GALNTL6: variants seen among roughly 807,000 people sequenced by gnomAD.
GALNTL6 encodes the protein polypeptide N-acetylgalactosaminyltransferase like 6, also known as polypeptide N-acetylgalactosaminyltransferase-like 6.
Under a neutral mutation model 73.7 loss-of-function variants are expected in GALNTL6, and 46 were observed. That is an observed-to-expected ratio of 0.62 (90% confidence interval 0.49 to 0.80). The LOEUF is 0.80. Ranked by LOEUF, GALNTL6 falls within the 30% of genes least tolerant of loss-of-function variation. The probability of loss-of-function intolerance (pLI) is 0.00; values close to 1 mark genes in which losing one functional copy is unlikely to be tolerated. For synonymous variants in GALNTL6, 259 were observed against 263.7 expected, an observed-to-expected ratio of 0.98 and a Z score of 0.17; for missense variants, 604 against 755.0, an observed-to-expected ratio of 0.80 and a Z score of 2.34.
chr4:172,057,393 A>T (rs1323719496), intron 2 of GALNTL6, among the ~76,000 whole-genome samples: 1 of 151,632 alleles, frequency 6.6e-6, no homozygotes, highest in Admixed American at 6.6e-5. Context: ...AGTAGCTTTT[A>T]AAAAAAAGTG....
intron 2 of GALNTL6, among the ~76,000 whole-genome samples, chr4:172,058,343 G>T (rs900458048): frequency 1.3e-5 from 2 of 152,002 alleles, no homozygotes; most frequent in Admixed American, 6.6e-5. Context: ...AATTGAGACC[G>T]AATTAAATAC....
intron 2 of GALNTL6, among the ~76,000 whole-genome samples, chr4:171,962,174 T>A (rs1739239818): frequency 6.6e-6 from 1 of 152,300 alleles, no homozygotes; most frequent in African/African-American, 2.4e-5. Context: ...TGGATCATTA[T>A]TTGTCTCTAA....
At chr4:172,025,207 C>G (rs1741527623) in intron 2 of GALNTL6, among the ~76,000 whole-genome samples, 1 of 151,992 alleles carries the variant, frequency 6.6e-6, no homozygotes, top group Non-Finnish European at 1.5e-5. Context: ...TCATAAAATG[C>G]TTTCCAGTAA....
chr4:172,738,253 G>A (rs1736584887), intron 5 of GALNTL6, among the ~76,000 whole-genome samples: 3 of 152,222 alleles, frequency 2.0e-5, no homozygotes, highest in Non-Finnish European at 4.4e-5. Flanking sequence ...GGCAGAATTA[G>A]TTGGAGGGGT....
chr4:171,912,391 A>C (rs1490043326), intron 2 of GALNTL6, among the ~76,000 whole-genome samples: 1 of 152,128 alleles, frequency 6.6e-6, no homozygotes, highest in Non-Finnish European at 1.5e-5. Context: ...ACTTGTATTC[A>C]TGTGTCATCA....
chr4:173,006,107 T>C (rs1436574895), intron 10 of GALNTL6, among the ~76,000 whole-genome samples: 2 of 152,182 alleles, frequency 1.3e-5, no homozygotes, highest in Non-Finnish European at 2.9e-5. Context: ...GGAGCAGAGC[T>C]GCTCCACATG....
intron 3 of GALNTL6, among the ~76,000 whole-genome samples, chr4:172,295,536 T>G (rs1739642082): frequency 1.6e-5 from 1 of 61,872 alleles, no homozygotes; most frequent in Non-Finnish European, 4.4e-5. Context: ...TTTAGGTTTT[T>G]TTTTTTTTTT....
chr4:172,464,403 T>A (rs115917089), intron 5 of GALNTL6, among the ~76,000 whole-genome samples: 6 of 152,032 alleles, frequency 3.9e-5, no homozygotes, highest in African/African-American at 1.5e-4. Context: ...AATTTTAATA[T>A]GGTCATAATT....
chr4:171,828,374 C>A (rs186943433), intron 2 of GALNTL6, among the ~76,000 whole-genome samples: 1 of 152,076 alleles, frequency 6.6e-6, no homozygotes, highest in Non-Finnish European at 1.5e-5. Flanking sequence ...AAAACCATAA[C>A]CTTGAATAGC....
chr4:172,152,079 C>T (rs1462881145), intron 2 of GALNTL6, among the ~76,000 whole-genome samples: 3 of 152,014 alleles, frequency 2.0e-5, no homozygotes, highest in African/African-American at 7.2e-5. Flanking sequence ...CGGGTTCAAG[C>T]GATTCTCCTG....
At chr4:172,452,969 G>A (rs940578840) in intron 5 of GALNTL6, among the ~76,000 whole-genome samples, 4 of 152,186 alleles carry the variant, frequency 2.6e-5, no homozygotes, top group Non-Finnish European at 4.4e-5. Context: ...TCGGGAGGCC[G>A]AAGTGAGTGT....
At chr4:172,819,355 A>G (rs1741796369) in intron 7 of GALNTL6, among the ~76,000 whole-genome samples, 2 of 152,258 alleles carry the variant, frequency 1.3e-5, no homozygotes, top group Non-Finnish European at 2.9e-5. Context: ...TTAGGCAACA[A>G]ATATAACTTT....
rs1027147109 is a variant in GALNTL6, at chr4:172,380,248, T to A, written c.553+31559T>A. ...CTTAACGTATTCTCCCCAACTTGTC[T>A]ACATTAGGATGACAAATTTTGGTCA... On this transcript the variant is annotated intron_variant, in intron 5 of 12. Transcript: ENST00000506823. The A allele has an allele frequency of 3.8e-5, 34 of 883,802 alleles. No homozygotes were observed. In the African/African-American group the frequency reaches 4.9e-4, roughly 13 times the overall value. The allele number at this position is 883,802 out of a possible 1,614,324, so 54.7% of individuals were successfully genotyped here. A position where few individuals can be genotyped will look rare whatever the true frequency, so the allele number is the denominator to read the frequency against.
intron 2 of GALNTL6, among the ~76,000 whole-genome samples, chr4:171,935,168 AC>A (rs1346226391): frequency 6.6e-6 from 1 of 152,108 alleles, no homozygotes. Flanking sequence ...TAGATTTATA[AC>A]CCTAAATTTT....
chr4:171,931,716 T>C (rs1738191067), intron 2 of GALNTL6, among the ~76,000 whole-genome samples: 1 of 152,210 alleles, frequency 6.6e-6, no homozygotes, highest in Admixed American at 6.5e-5. Context: ...TATAACATGA[T>C]AGTTAAGAGG....
rs567293986 is a variant in GALNTL6 at position 172,838,668 on chromosome 4, C to T, written c.923+24945C>T. ...AACAGGTGCAAATTCAAAAATTAGA[C>T]TCAAGTTTAGAAATAGCATGCTTTC... On this transcript the variant is annotated intron_variant, in intron 7 of 12. Transcript: ENST00000506823. Among the ~76,000 whole-genome samples, 3 of 152,238 alleles carry T rather than the reference C, an allele frequency of 2.0e-5. No homozygotes were observed. In the East Asian group the frequency reaches 5.8e-4, roughly 29 times the overall value.
At chr4:172,085,897 G>A (rs1028176792) in intron 2 of GALNTL6, among the ~76,000 whole-genome samples, 6 of 151,946 alleles carry the variant, frequency 3.9e-5, no homozygotes, top group Non-Finnish European at 8.8e-5. Flanking sequence ...TTCTCTACCT[G>A]ACATCACACT....
intron 5 of GALNTL6, among the ~76,000 whole-genome samples, chr4:172,382,159 G>T (rs899114594): frequency 5.3e-5 from 8 of 152,032 alleles, no homozygotes; most frequent in Non-Finnish European, 1.0e-4. Context: ...GTAGAGACAG[G>T]GGTTTCACCA....
chr4:172,613,345 A>G (rs572217637), intron 5 of GALNTL6, among the ~76,000 whole-genome samples: 83 of 152,070 alleles, frequency 5.5e-4, no homozygotes, highest in Non-Finnish European at 8.8e-4. Context: ...CTTGGAGAAG[A>G]AGGACCTAGG....
Sources: gnomAD v4.1 joint callset for allele counts (sites outside exome capture counted in the v4.1 genomes callset) on GRCh38, gnomAD v4.1.1 for gene constraint, MANE v1.5 for transcripts, NCBI Gene and HGNC (gene_info 2026-07-23, HGNC 2026-07-21) for gene names.